Variants in CDC14B observed in about 807,000 individuals in gnomAD.
The protein encoded by CDC14B is cell division cycle 14B, also known as dual specificity protein phosphatase CDC14B.
CDC14B carries 22 observed loss-of-function variants against 64.2 expected under a neutral mutation model. That is an observed-to-expected ratio of 0.34 (90% confidence interval 0.24 to 0.49). CDC14B has a LOEUF of 0.49. CDC14B is among the 20% of genes least tolerant of loss of function. The pLI is 0.99. For synonymous variants in CDC14B, 191 were observed against 215.8 expected, an observed-to-expected ratio of 0.89 and a Z score of 1.01; for missense variants, 498 against 629.9, an observed-to-expected ratio of 0.79 and a Z score of 2.24.
intron 4 of CDC14B, among the ~76,000 whole-genome samples, chr9:96,552,702 C>T (rs1841984627): frequency 6.6e-6 from 1 of 152,118 alleles, no homozygotes; most frequent in African/African-American, 2.4e-5. Flanking sequence ...ACTTTCACCA[C>T]CATCTCTCTA....
intron 6 of CDC14B, among the ~76,000 whole-genome samples, chr9:96,539,439 C>T (rs535883917): frequency 1.3e-5 from 2 of 152,228 alleles, no homozygotes; most frequent in East Asian, 1.9e-4. Flanking sequence ...TAAATAATCA[C>T]GCCCTGAAAG....
rs565438558 is a variant in CDC14B, at chr9:96,584,846, G to A, written c.161-19363C>T. On this transcript the variant is annotated intron_variant, in intron 1 of 13. Transcript: ENST00000375241. Reference sequence around the variant, plus strand: ...TTTTTTTGTCTTTTTAGTAGAGGCAGGGTTTCACCGTGTTGGTCAGGCTGG... The same window carrying A: ...TTTTTTTGTCTTTTTAGTAGAGGCAAGGTTTCACCGTGTTGGTCAGGCTGG... Among the ~76,000 whole-genome samples, 621 of 152,092 alleles carry A rather than the reference G, an allele frequency of 4.1e-3. 4 individuals carry two copies. The highest frequency in any genetic ancestry group is 0.01 in the Middle Eastern group (3 of 294).
At chr9:96,589,164 T>C (rs931632782) in intron 1 of CDC14B, among the ~76,000 whole-genome samples, 2 of 151,462 alleles carry the variant, frequency 1.3e-5, no homozygotes, top group Non-Finnish European at 1.5e-5. Flanking sequence ...AGTGAAACCC[T>C]ATCTCTACTA....
At chr9:96,491,588 C>T (rs921603186) in exon 14 of CDC14B, 6 of 152,210 alleles carry the variant, frequency 3.9e-5, no homozygotes, top group African/African-American at 1.4e-4. Context: ...CTAGCCGGTA[C>T]AACATCAGGG....
intron 1 of CDC14B, among the ~76,000 whole-genome samples, chr9:96,571,719 A>G (rs1844486783): frequency 6.6e-6 from 1 of 152,124 alleles, no homozygotes; most frequent in Non-Finnish European, 1.5e-5. Flanking sequence ...ATCTTGTTAT[A>G]TGCTGGGCGC....
downstream of CDC14B, among the ~76,000 whole-genome samples, chr9:96,495,395 C>A (rs993408756): frequency 1.5e-5 from 2 of 137,760 alleles, no homozygotes; most frequent in Admixed American, 7.4e-5. Context: ...TGTGCTGCCC[C>A]CCCCCGCCCC....
intron 6 of CDC14B, among the ~76,000 whole-genome samples, chr9:96,539,471 T>A (rs1839743845): frequency 6.6e-6 from 1 of 152,170 alleles, no homozygotes; most frequent in South Asian, 2.1e-4. Flanking sequence ...TCTTACCAGA[T>A]CACTACCACC....
intron 4 of CDC14B, among the ~76,000 whole-genome samples, chr9:96,552,948 A>C (rs1587937386): frequency 6.6e-6 from 1 of 152,240 alleles, no homozygotes; most frequent in Admixed American, 6.5e-5. Context: ...CACTAAAAAA[A>C]GTTAATTGCA....
At chr9:96,532,696 TCTAGCTTCA>T (rs1838672582) in intron 9 of CDC14B, among the ~76,000 whole-genome samples, 1 of 152,196 alleles carries the variant, frequency 6.6e-6, no homozygotes, top group East Asian at 1.9e-4. Flanking sequence ...CTTTAATGAT[TCTAGCTTCA>T]CACGCACTGA....
At chr9:96,531,645 T>C (rs1281037408) in intron 9 of CDC14B, among the ~76,000 whole-genome samples, 3 of 151,822 alleles carry the variant, frequency 2.0e-5, no homozygotes, top group Non-Finnish European at 2.9e-5. Flanking sequence ...TACAATAATA[T>C]ACTACTTGCA....
In CDC14B at chr9:96,515,083, G is replaced by T; in HGVS notation, c.1344-5294C>A. The T allele has an allele frequency of 4.6e-6, 1 of 216,824 alleles. No individual in the cohort carries two copies. Among genetic ancestry groups the T allele is most frequent in the Non-Finnish European group, 7.9e-6 (1 of 127,112 alleles). The allele number at this position is 216,824 out of a possible 1,614,324, so 13.4% of individuals were successfully genotyped here. On this transcript the variant is annotated intron_variant, in intron 12 of 13. Coordinates refer to ENST00000375241, the MANE Select transcript of CDC14B (RefSeq NM_033331.4). The surrounding 1 kb of genome is among the most constrained non-coding windows in gnomAD (Gnocchi z 4.3). ...CACTGTACTTACTGTATTCCCTAAA[G>T]GGGAGGAGGAAAATGAGACAGAGCA...
chr9:96,550,265 G>C (rs939902925), intron 5 of CDC14B, among the ~76,000 whole-genome samples: 1 of 152,234 alleles, frequency 6.6e-6, no homozygotes, highest in African/African-American at 2.4e-5. Context: ...CCATGAGCTA[G>C]CAGAAAGGGA....
At chr9:96,615,617 G>T (rs1189513650) in intron 1 of CDC14B, among the ~76,000 whole-genome samples, 1 of 152,222 alleles carries the variant, frequency 6.6e-6, no homozygotes, top group Non-Finnish European at 1.5e-5. Flanking sequence ...TGCTGGCAAG[G>T]ATGTGGAATA....
intron 1 of CDC14B, among the ~76,000 whole-genome samples, chr9:96,582,065 G>A (rs1044379421): frequency 2.0e-5 from 3 of 152,042 alleles, no homozygotes; most frequent in African/African-American, 7.2e-5. Flanking sequence ...TTCTCCTCCT[G>A]TTTTACGACA....
chr9:96,525,229 T>C (rs113035259), intron 9 of CDC14B, among the ~76,000 whole-genome samples: 8 of 152,198 alleles, frequency 5.3e-5, no homozygotes, highest in African/African-American at 1.9e-4. Flanking sequence ...ATCAGCCATC[T>C]CAGCAGAAGC....
intron 7 of CDC14B, among the ~76,000 whole-genome samples, chr9:96,535,285 C>A (rs1839124486): frequency 1.3e-5 from 2 of 151,850 alleles, no homozygotes; most frequent in African/African-American, 2.4e-5. Context: ...CCAGCCTGGG[C>A]AACAAGAGCG....
chr9:96,560,154 C>T (rs888963308), intron 4 of CDC14B, among the ~76,000 whole-genome samples: 2 of 152,162 alleles, frequency 1.3e-5, no homozygotes, highest in African/African-American at 2.4e-5. Flanking sequence ...CTGTAGTCCT[C>T]GTGCCTGGCT....
intron 1 of CDC14B, among the ~76,000 whole-genome samples, chr9:96,593,287 G>A (rs931580764): frequency 3.9e-5 from 6 of 152,208 alleles, no homozygotes; most frequent in African/African-American, 1.2e-4. Flanking sequence ...AAGAGATAGA[G>A]ACCATCCTGG....
At chr9:96,566,908 A>G (rs1042674704) in intron 1 of CDC14B, 3 of 1,544,970 alleles carry the variant, frequency 1.9e-6, no homozygotes, top group Non-Finnish European at 8.7e-7. Context: ...AGTTTAAAAA[A>G]CAAAGTTTAA....
Sources: allele counts gnomAD v4.1 joint callset (sites outside exome capture counted in the v4.1 genomes callset), GRCh38; gene constraint gnomAD v4.1.1; non-coding constraint Gnocchi (gnomAD v3.1); transcripts MANE v1.5; gene names NCBI Gene and HGNC (gene_info 2026-07-23, HGNC 2026-07-21).